The following KLF12 variants were observed in gnomAD, a reference collection of about 807,000 sequenced individuals.
KLF12 encodes the protein KLF transcription factor 12.
In KLF12, 9 loss-of-function variants were observed where a neutral mutation model predicts 37.8. That is an observed-to-expected ratio of 0.24 (90% confidence interval 0.14 to 0.42). The LOEUF (loss-of-function observed/expected upper bound fraction) is 0.42, where lower values mean the gene tolerates loss of function less well. Ranked by LOEUF, KLF12 falls within the 10% of genes least tolerant of loss-of-function variation. The pLI, the probability that KLF12 is intolerant of heterozygous loss-of-function variation, is 1.00. For synonymous variants in KLF12, 208 were observed against 202.1 expected (o/e 1.03, Z -0.25); for missense variants, 411 against 516.0 (o/e 0.80, Z 1.97).
At chr13:73,721,545 C>T (rs1338877360) in intron 6 of KLF12, among the ~76,000 whole-genome samples, 3 of 152,048 alleles carry the variant, frequency 2.0e-5, no homozygotes, top group Admixed American at 1.3e-4. Context: ...ATTTTCTTTT[C>T]TCTCCTTTCA....
chr13:74,245,718 GGA>G, the KLF12 span, among the ~76,000 whole-genome samples: 17 of 152,192 alleles, frequency 1.1e-4, no homozygotes, highest in African/African-American at 4.1e-4. Context: ...TATCCACTGT[GGA>G]ACATAGCAAA....
intron 3 of KLF12, among the ~76,000 whole-genome samples, chr13:73,908,621 C>A (rs568391364): frequency 4.6e-5 from 7 of 151,690 alleles, no homozygotes; most frequent in Non-Finnish European, 1.0e-4. Context: ...GCTGGGATTA[C>A]AGGCACCCAC....
intron 2 of KLF12, among the ~76,000 whole-genome samples, chr13:73,963,353 C>T (rs1343728897): frequency 5.6e-5 from 7 of 125,574 alleles, no homozygotes; most frequent in African/African-American, 1.9e-4. Context: ...CTTCAGTATA[C>T]ACACACACAC....
chr13:73,722,504 C>T (rs944725641), intron 6 of KLF12, among the ~76,000 whole-genome samples: 9 of 152,238 alleles, frequency 5.9e-5, no homozygotes, highest in Admixed American at 5.9e-4. Flanking sequence ...TACCAAATCC[C>T]CAGCAGCTAC....
At chr13:74,231,318 T>C in the KLF12 span, 1 of 152,208 alleles carries the variant, frequency 6.6e-6, no homozygotes, top group Non-Finnish European at 1.5e-5. Flanking sequence ...AGAAATATGG[T>C]AATCACTTAC....
At chr13:74,000,033 T>G (rs1892231990) in intron 1 of KLF12, among the ~76,000 whole-genome samples, 1 of 152,162 alleles carries the variant, frequency 6.6e-6, no homozygotes, top group South Asian at 2.1e-4. Flanking sequence ...TTTGCCCCCT[T>G]GTTAAACCGG....
At chr13:74,092,554 G>A (rs192273988) in intron 1 of KLF12, among the ~76,000 whole-genome samples, 2 of 151,958 alleles carry the variant, frequency 1.3e-5, no homozygotes, top group Admixed American at 1.3e-4. Flanking sequence ...AATCCTGGAG[G>A]CAGAGGTTGC....
intron 3 of KLF12, among the ~76,000 whole-genome samples, chr13:73,891,376 G>A (rs1887500002): frequency 6.6e-6 from 1 of 152,026 alleles, no homozygotes; most frequent in Admixed American, 6.6e-5. Flanking sequence ...CCCAGATTAA[G>A]AACCATCTCC....
chr13:74,304,905 T>G, the KLF12 span, among the ~76,000 whole-genome samples: 1 of 152,092 alleles, frequency 6.6e-6, no homozygotes, highest in Non-Finnish European at 1.5e-5. Flanking sequence ...ACAAGACATT[T>G]TCTGTCATTC....
chr13:73,905,860 A>G (rs903434927), intron 3 of KLF12, among the ~76,000 whole-genome samples: 4 of 152,230 alleles, frequency 2.6e-5, no homozygotes, highest in African/African-American at 9.6e-5. Context: ...TAACCTATCT[A>G]AAACCAAACA....
At chr13:73,831,363 G>A (rs1427311794) in intron 4 of KLF12, among the ~76,000 whole-genome samples, 1 of 151,970 alleles carries the variant, frequency 6.6e-6, no homozygotes, top group Non-Finnish European at 1.5e-5. Flanking sequence ...TTATTGTCAG[G>A]CTTAAAGATA....
rs778217594 is a variant in KLF12 at position 73,861,705 on chromosome 13, C to T, written c.124-15332G>A. Among the ~76,000 whole-genome samples, 93 of 152,242 alleles carry T rather than the reference C, an allele frequency of 6.1e-4. 1 individual carries two copies. In the Middle Eastern group the frequency reaches 0.014, roughly 22 times the overall value. ...ATTTGTGGAATTATTCCGTTTTCCT[C>T]ATTTTTCCTTCTCTAACTCTTCCAT... On this transcript the variant is annotated intron_variant, in intron 3 of 7. Transcript: ENST00000377669.
chr13:74,185,819 T>C, the KLF12 span, among the ~76,000 whole-genome samples: 6 of 152,194 alleles, frequency 3.9e-5, no homozygotes, highest in African/African-American at 1.2e-4. Context: ...TGCTTTTGTA[T>C]TTTTAATAGA....
At chr13:73,823,745 T>C (rs1012191891) in intron 4 of KLF12, among the ~76,000 whole-genome samples, 4 of 152,202 alleles carry the variant, frequency 2.6e-5, no homozygotes, top group Admixed American at 2.6e-4. Context: ...AGTTTCGCTC[T>C]TGTTGCCCAG....
chr13:74,231,208 T>A, the KLF12 span, among the ~76,000 whole-genome samples: 1 of 145,472 alleles, frequency 6.9e-6, no homozygotes, highest in Non-Finnish European at 1.5e-5. Context: ...ATGTCATTTT[T>A]TTTTTTCCCT....
At position 74,080,857 on chromosome 13, in the gene KLF12, G is replaced by A. The variant is rs180801102; in HGVS notation, c.-32+52882C>T. Among the ~76,000 whole-genome samples the A allele has an allele frequency of 1.1e-3, 169 of 152,282 alleles. 3 individuals carry two copies. The highest frequency in any genetic ancestry group is 3.8e-3 in the African/African-American group (159 of 41,552). On this transcript the variant is annotated intron_variant, in intron 1 of 7. Coordinates refer to ENST00000377669, the MANE Select transcript of KLF12 (RefSeq NM_007249.5). ...AAGGTAGGGTGTGGATTTTAATACT[G>A]GTACTGATGAGGAAAGAGACAAAGG...
chr13:73,917,342 T>C (rs1267966100), intron 3 of KLF12, among the ~76,000 whole-genome samples: 1 of 152,196 alleles, frequency 6.6e-6, no homozygotes, highest in Non-Finnish European at 1.5e-5. Flanking sequence ...ATATTTACAC[T>C]AACCTTTCCA....
chr13:74,154,661 A>G, the KLF12 span, among the ~76,000 whole-genome samples: 28 of 150,376 alleles, frequency 1.9e-4, no homozygotes, highest in African/African-American at 6.8e-4. Flanking sequence ...CAGGACCCCA[A>G]TCCAAATCCC....
intron 5 of KLF12, among the ~76,000 whole-genome samples, chr13:73,803,953 A>C (rs1032899351): frequency 2.0e-5 from 3 of 152,168 alleles, no homozygotes; most frequent in Non-Finnish European, 4.4e-5. Context: ...CAGTTTCCTT[A>C]AGACGAATAT....
Sources: allele counts gnomAD v4.1 joint callset (sites outside exome capture counted in the v4.1 genomes callset), GRCh38; gene constraint gnomAD v4.1.1; transcripts MANE v1.5; gene names NCBI Gene and HGNC (gene_info 2026-07-23, HGNC 2026-07-21).